The following TPGS2 variants were observed in gnomAD, a reference collection of about 807,000 sequenced individuals.
TPGS2 encodes the protein tubulin polyglutamylase complex subunit 2, also known as polyglutamylase subunit 2.
A neutral mutation model predicts 31.1 loss-of-function variants in TPGS2; 26 were observed. That is an observed-to-expected ratio of 0.84 (90% CI 0.61 to 1.16). The LOEUF (loss-of-function observed/expected upper bound fraction) is 1.16. Among genes scored for constraint, TPGS2 ranks in the 50% most tolerant of loss-of-function variants. TPGS2 has a pLI of 0.00. For synonymous variants in TPGS2, 130 were observed against 136.6 expected, an observed-to-expected ratio of 0.95 and a Z score of 0.34; for missense variants, 351 against 363.8, an observed-to-expected ratio of 0.96 and a Z score of 0.29.
rs141906548 is a variant in TPGS2, at chr18:36,786,527, T to C, written c.658-3396A>G. The C allele has an allele frequency of 4.8e-3, 967 of 200,686 alleles. 8 individuals are homozygous for C. Among genetic ancestry groups the C allele is most frequent in the South Asian group, 0.021 (109 of 5,230 alleles). The allele number at this position is 200,686 out of a possible 1,614,324, so 12.4% of individuals were successfully genotyped here. A position where few individuals can be genotyped will look rare whatever the true frequency, so the allele number is the denominator to read the frequency against. ...CCACTGCGCCTGGCCAATTGTTTTA[T>C]TCTTTAAGTGTAGGGAGGGGTGCAT... On this transcript the variant is annotated intron_variant, in intron 6 of 6. Transcript: ENST00000587129.
At chr18:36,808,519 TC>T (rs1358206252) in intron 2 of TPGS2, among the ~76,000 whole-genome samples, 1 of 151,920 alleles carries the variant, frequency 6.6e-6, no homozygotes, top group Non-Finnish European at 1.5e-5. Flanking sequence ...GCGCCTGTAG[TC>T]CCAGCTACTC....
In TPGS2 at chr18:36,796,842, T is replaced by C. The variant is rs770745568; in HGVS notation, c.866A>G (p.Lys289Arg). Reference protein sequence around the residue: ...PSGPSTSSTSKSSSGSGNPTR... With the variant: ...PSGPSTSSTSRSSSGSGNPTR... ...GGGGTTTCCAGAGCCAGAGGAGGAT[T>C]TAGAAGTGGAGGAAGTGGAGGGACC... Residue 289 changes from lysine (K) to arginine (R), a missense_variant, in exon 7 of 7, where the codon AAA (lysine) becomes AGA (arginine). Lys to Arg is a conservative substitution (Grantham distance 26). Transcript: ENST00000334295. 6.2e-7 allele frequency: 1 copy of C among 1,606,102 alleles called. No individual in the cohort carries two copies. The highest frequency in any genetic ancestry group is 1.7e-5 in the Admixed American group (1 of 57,910).
rs189039027 is a variant in TPGS2 at position 36,794,945 on chromosome 18, G to T, written c.*1860C>A. 1.0e-6 allele frequency: 1 copy of T among 983,632 alleles called. No homozygotes were observed. Among genetic ancestry groups the T allele is most frequent in the East Asian group, 1.1e-4 (1 of 8,696 alleles). 60.9% of individuals were successfully genotyped at this position (983,632 alleles called of 1,614,324 possible). ...TGGGATTGAAAAGGTAAGAGGTCTCGCTATTTTAAAGCAAATGAAGAAGCT... is the reference window on the plus strand; with the variant it reads ...TGGGATTGAAAAGGTAAGAGGTCTCTCTATTTTAAAGCAAATGAAGAAGCT... On this transcript the variant is annotated 3_prime_UTR_variant, in exon 7 of 7. Coordinates refer to ENST00000334295, the MANE Select transcript of TPGS2 (RefSeq NM_015476.4).
chr18:36,804,440 A>G (rs143278571), intron 4 of TPGS2, among the ~76,000 whole-genome samples: 2 of 152,264 alleles, frequency 1.3e-5, no homozygotes, highest in Non-Finnish European at 2.9e-5. Flanking sequence ...ACATATAAAG[A>G]CAGTGAGACC....
intron 2 of TPGS2, among the ~76,000 whole-genome samples, chr18:36,814,336 T>C (rs1172040963): frequency 6.6e-6 from 1 of 152,146 alleles, no homozygotes; most frequent in African/African-American, 2.4e-5. Flanking sequence ...ACATGAATCA[T>C]ACAACTGCAC....
intron 2 of TPGS2, among the ~76,000 whole-genome samples, chr18:36,812,349 C>G (rs1246882774): frequency 6.6e-6 from 1 of 152,116 alleles, no homozygotes; most frequent in East Asian, 1.9e-4. Flanking sequence ...AGCCCCACCC[C>G]CTGACCTCAG....
At chr18:36,825,432 CA>C (rs60365266) in intron 1 of TPGS2, among the ~76,000 whole-genome samples, 9,241 of 77,512 alleles carry the variant, frequency 0.12, 765 homozygotes, top group African/African-American at 0.34. Flanking sequence ...ACTCCGTCTC[CA>C]AAAAAAAAAA....
rs2045075874 is a variant in TPGS2, at chr18:36,805,497, T to C, written c.259A>G (p.Ile87Val). 17 of 1,613,980 alleles carry C rather than the reference T, an allele frequency of 1.1e-5. No homozygotes were observed. The highest frequency in any genetic ancestry group is 1.3e-5 in the Non-Finnish European group (15 of 1,179,962). ...MTWSVKLDEH[I>V]IPLGSMAINS... ...ATTGCCATGCTTCCCAGTGGAATGA[T>C]GTGCTCTAGGGGAACATGCGTTAAG... Residue 87 changes from isoleucine to valine, a missense_variant, in exon 4 of 7, where the codon ATC (isoleucine) becomes GTC (valine). Transcript: ENST00000334295.
At chr18:36,799,599 C>G (rs150992401) in intron 5 of TPGS2, among the ~76,000 whole-genome samples, 18 of 152,340 alleles carry the variant, frequency 1.2e-4, no homozygotes, top group Non-Finnish European at 2.5e-4. Context: ...AACAATTCCT[C>G]TGGCTGGATG....
At chr18:36,802,302 A>G (rs2044858945) in intron 4 of TPGS2, among the ~76,000 whole-genome samples, 1 of 152,228 alleles carries the variant, frequency 6.6e-6, no homozygotes, top group Admixed American at 6.5e-5. Context: ...GTAAGAACAG[A>G]AAACTCAATG....
chr18:36,814,247 T>C (rs1357214871), intron 2 of TPGS2, among the ~76,000 whole-genome samples: 1 of 152,186 alleles, frequency 6.6e-6, no homozygotes, highest in African/African-American at 2.4e-5. Context: ...TCCTGGTGCT[T>C]GAAAGATGAA....
chr18:36,799,921 AC>A (rs1258679677), intron 5 of TPGS2, among the ~76,000 whole-genome samples: 7 of 152,222 alleles, frequency 4.6e-5, no homozygotes, highest in Admixed American at 2.6e-4. Flanking sequence ...GAGTCTATTA[AC>A]AAAATGCCTA....
In TPGS2 at chr18:36,824,266, T is replaced by A. The variant is rs558521963; in HGVS notation, c.85+4417A>T. Among the ~76,000 whole-genome samples, 3 of 152,360 alleles carry A rather than the reference T, an allele frequency of 2.0e-5. No homozygotes were observed. The East Asian group carries it at 5.8e-4, about 29-fold the overall frequency. ...CATTTTATATATCACGTTCATCAAC[T>A]GATGGATGTTGGCTTGTTTGCACTT... On this transcript the variant is annotated intron_variant, in intron 1 of 6. Coordinates refer to ENST00000334295, the MANE Select transcript of TPGS2 (RefSeq NM_015476.4).
At position 36,818,982 on chromosome 18, in the gene TPGS2, GAA is replaced by G. The variant is rs776331533; in HGVS notation, c.86-11_86-10del. The G allele has an allele frequency of 3.0e-5, 48 of 1,607,714 alleles. No individual in the cohort carries two copies. The highest frequency in any genetic ancestry group is 4.1e-5 in the Non-Finnish European group (48 of 1,177,332). ...CACACCTGGGGAAGATTCTGGAAGA[GAA>G]AAAAGAGTCTGTAGAGTTGCAATTG... On this transcript the variant is annotated splice_polypyrimidine_tract_variant and intron_variant, in intron 1 of 6. Transcript: ENST00000334295.
downstream of TPGS2, chr18:36,780,123 A>T: frequency 8.1e-7 from 1 of 1,232,142 alleles, no homozygotes; most frequent in African/African-American, 1.5e-5. Flanking sequence ...CCTCTTCAGA[A>T]TGGCAAAACT....
rs1247225542 is a variant in TPGS2 at position 36,796,656 on chromosome 18, A to AT, written c.*148dup. 1 of 1,424,796 alleles carries AT rather than the reference A, an allele frequency of 7.0e-7. No homozygotes were observed. The allele number at this position is 1,424,796 out of a possible 1,614,324, so 88.3% of individuals were successfully genotyped here. On this transcript the variant is annotated 3_prime_UTR_variant, in exon 7 of 7. Transcript: ENST00000334295. ...GGAGGCCTCACTACGAGCCTGGCTA[A>AT]TGTCGGTGGGACTAAAAGCCTTACA...
At chr18:36,828,548 T>C (rs1441397277) in intron 1 of TPGS2, 135 bp downstream of exon 1, 2 of 947,014 alleles carry the variant, frequency 2.1e-6, no homozygotes, top group Admixed American at 2.4e-5. Flanking sequence ...CTTTCCTCTG[T>C]AACAACGGAA....
chr18:36,814,658 G>GT (rs1213086644), intron 2 of TPGS2, among the ~76,000 whole-genome samples: 1 of 152,180 alleles, frequency 6.6e-6, no homozygotes, highest in Non-Finnish European at 1.5e-5. Context: ...CTACTCCAGT[G>GT]TGTTTTTCCC....
intron 6 of TPGS2, among the ~76,000 whole-genome samples, chr18:36,797,255 A>G (rs894475765): frequency 1.3e-5 from 2 of 152,188 alleles, no homozygotes; most frequent in Non-Finnish European, 2.9e-5. Context: ...ACATTGCTTT[A>G]TGAGGTCTCA....
Sources: gnomAD v4.1 joint callset for allele counts (sites outside exome capture counted in the v4.1 genomes callset) on GRCh38, gnomAD v4.1.1 for gene constraint, MANE v1.5 for transcripts, NCBI Gene and HGNC (gene_info 2026-07-23, HGNC 2026-07-21) for gene names.